Variants in ZCWPW2 observed in about 807,000 individuals in gnomAD.
ZCWPW2 encodes the protein zinc finger CW-type and PWWP domain containing 2, also known as zinc finger CW-type PWWP domain protein 2.
ZCWPW2 carries 45 observed loss-of-function variants against 46.6 expected under a neutral mutation model. The observed-to-expected ratio is 0.96, with a 90% CI of 0.76 to 1.24. The LOEUF (loss-of-function observed/expected upper bound fraction) is 1.24. Ranked by LOEUF, ZCWPW2 falls within the 50% of genes most tolerant of loss-of-function variation. The pLI is 0.00. For synonymous variants in ZCWPW2, 152 were observed against 137.1 expected (o/e 1.11, Z -0.76); for missense variants, 429 against 403.9 (o/e 1.06, Z -0.53).
At chr3:28,446,516 A>G (rs1230934949) in intron 4 of ZCWPW2, among the ~76,000 whole-genome samples, 1 of 152,094 alleles carries the variant, frequency 6.6e-6, no homozygotes, top group African/African-American at 2.4e-5. Flanking sequence ...AATAGTATGC[A>G]ATGAAAGCAG....
At chr3:28,453,349 CT>C (rs1267060988) in intron 4 of ZCWPW2, among the ~76,000 whole-genome samples, 2 of 152,168 alleles carry the variant, frequency 1.3e-5, no homozygotes, top group Non-Finnish European at 2.9e-5. Context: ...TAGCTGTGAA[CT>C]TGTACTGAAG....
intron 3 of ZCWPW2, among the ~76,000 whole-genome samples, chr3:28,417,544 C>G (rs1282781337): frequency 6.6e-6 from 1 of 151,592 alleles, no homozygotes. Flanking sequence ...ATACCAAAGC[C>G]TGACAGAGAC....
chr3:28,443,829 G>A (rs937813017), intron 4 of ZCWPW2, among the ~76,000 whole-genome samples: 1 of 152,246 alleles, frequency 6.6e-6, no homozygotes, highest in Non-Finnish European at 1.5e-5. Flanking sequence ...GTTTCACAAG[G>A]CATTGGTGAA....
chr3:28,478,306 C>T (rs943110698), intron 4 of ZCWPW2: 2 of 324,638 alleles, frequency 6.2e-6, no homozygotes, highest in Non-Finnish European at 1.3e-5. Flanking sequence ...TGCAGTGGCA[C>T]AATCTCGCAT....
intron 2 of ZCWPW2, among the ~76,000 whole-genome samples, chr3:28,402,926 C>A (rs1696008687): frequency 6.6e-6 from 1 of 152,148 alleles, no homozygotes; most frequent in Non-Finnish European, 1.5e-5. Context: ...CTATGACAAA[C>A]TCACAGTCAA....
intron 8 of ZCWPW2, among the ~76,000 whole-genome samples, chr3:28,518,459 C>T (rs1700637441): frequency 6.6e-6 from 1 of 152,062 alleles, no homozygotes; most frequent in East Asian, 1.9e-4. Context: ...ACTTCATTTA[C>T]AATATAGGAA....
intron 2 of ZCWPW2, among the ~76,000 whole-genome samples, chr3:28,392,751 AT>A (rs896099491): frequency 1.2e-4 from 19 of 152,266 alleles, no homozygotes; most frequent in Middle Eastern, 3.4e-3. Flanking sequence ...TGAAAAAAAA[AT>A]ATTTTGAGAT....
At chr3:28,482,679 G>T (rs1274509053) in intron 5 of ZCWPW2, among the ~76,000 whole-genome samples, 1 of 152,030 alleles carries the variant, frequency 6.6e-6, no homozygotes, top group Admixed American at 6.6e-5. Flanking sequence ...CAGTGTTTTG[G>T]GTTTTGGCCA....
chr3:28,443,696 A>G (rs1197242742), intron 4 of ZCWPW2, among the ~76,000 whole-genome samples: 2 of 152,158 alleles, frequency 1.3e-5, no homozygotes, highest in Non-Finnish European at 2.9e-5. Flanking sequence ...CTTGGGATCC[A>G]ATGATCCTCA....
chr3:28,469,141 G>A (rs538504887), intron 4 of ZCWPW2, among the ~76,000 whole-genome samples: 14 of 152,192 alleles, frequency 9.2e-5, no homozygotes, highest in African/African-American at 3.1e-4. Flanking sequence ...GAACATGTAA[G>A]CAGTGTTGTT....
chr3:28,460,154 T>G (rs559848964), intron 4 of ZCWPW2, among the ~76,000 whole-genome samples: 291 of 152,256 alleles, frequency 1.9e-3, no homozygotes, highest in African/African-American at 6.6e-3. Flanking sequence ...CCAAATTTTC[T>G]AATTATTTTT....
intron 6 of ZCWPW2, among the ~76,000 whole-genome samples, chr3:28,501,439 C>G (rs1008581110): frequency 2.0e-5 from 3 of 152,118 alleles, no homozygotes; most frequent in African/African-American, 2.4e-5. Context: ...TGACTCCATT[C>G]TAGTTTGGTT....
At chr3:28,404,802 C>T (rs956068728) in intron 2 of ZCWPW2, among the ~76,000 whole-genome samples, 3 of 152,112 alleles carry the variant, frequency 2.0e-5, no homozygotes, top group African/African-American at 7.2e-5. Flanking sequence ...CGTCATATTC[C>T]TCACTTACAA....
intron 1 of ZCWPW2, among the ~76,000 whole-genome samples, chr3:28,370,529 T>C (rs1478551033): frequency 6.6e-6 from 1 of 152,128 alleles, no homozygotes; most frequent in East Asian, 1.9e-4. Flanking sequence ...AATAAAACTA[T>C]TAGAAGTCAT....
chr3:28,386,851 T>A (rs1311255784), intron 1 of ZCWPW2, among the ~76,000 whole-genome samples: 1 of 152,224 alleles, frequency 6.6e-6, no homozygotes, highest in Admixed American at 6.5e-5. Context: ...GGTGATCAAC[T>A]GTATTTTAGA....
intron 5 of ZCWPW2, among the ~76,000 whole-genome samples, chr3:28,482,901 C>G (rs960464488): frequency 1.3e-5 from 2 of 152,092 alleles, no homozygotes; most frequent in Non-Finnish European, 2.9e-5. Context: ...TTAGATGTCG[C>G]TCTTTTATAG....
chr3:28,440,352 A>G (rs748637226), intron 4 of ZCWPW2, among the ~76,000 whole-genome samples: 16 of 152,192 alleles, frequency 1.1e-4, no homozygotes, highest in Non-Finnish European at 2.2e-4. Context: ...TAAGACCTCT[A>G]GGCCAGCAAA....
intron 2 of ZCWPW2, among the ~76,000 whole-genome samples, chr3:28,407,417 C>G (rs773806661): frequency 6.6e-6 from 1 of 152,004 alleles, no homozygotes; most frequent in Non-Finnish European, 1.5e-5. Context: ...AATAGGAACT[C>G]AATACTTGTT....
At chr3:28,520,918 G>T in intron 8 of ZCWPW2, 74 bp from the exon 9 acceptor site, 1 of 1,543,506 alleles carries the variant, frequency 6.5e-7, no homozygotes, top group Non-Finnish European at 8.8e-7. Flanking sequence ...CTTCTTTCTG[G>T]GTAGTTAAGA....
Sources: gnomAD v4.1 joint callset for allele counts (sites outside exome capture counted in the v4.1 genomes callset) on GRCh38, gnomAD v4.1.1 for gene constraint, MANE v1.5 for transcripts, NCBI Gene and HGNC (gene_info 2026-07-23, HGNC 2026-07-21) for gene names.